PAM: variants seen among roughly 807,000 people sequenced by gnomAD.
PAM encodes peptidyl-glycine alpha-amidating monooxygenase.
PAM carries 72 observed loss-of-function variants against 122.1 expected under a neutral mutation model. That is an observed-to-expected ratio of 0.59 (90% CI 0.49 to 0.72). The LOEUF is 0.72. Among genes scored for constraint, PAM ranks in the 30% least tolerant of loss-of-function variants. PAM has a pLI of 0.00. For synonymous variants in PAM, 389 were observed against 404.4 expected (o/e 0.96, Z 0.46); for missense variants, 1,106 against 1,183.7 (o/e 0.93, Z 0.96).
At chr5:102,953,333 G>T (rs1007148370) in intron 12 of PAM, among the ~76,000 whole-genome samples, 1 of 152,116 alleles carries the variant, frequency 6.6e-6, no homozygotes, top group Non-Finnish European at 1.5e-5. Flanking sequence ...AATGCATAAA[G>T]AAATGTGTTT....
intron 1 of PAM, among the ~76,000 whole-genome samples, chr5:102,785,944 A>C (rs779333684): frequency 6.6e-6 from 1 of 152,202 alleles, no homozygotes; most frequent in Admixed American, 6.5e-5. Context: ...AATTGAGCCA[A>C]AGATGTTGAA....
intron 21 of PAM, among the ~76,000 whole-genome samples, chr5:103,014,768 A>G (rs1224069701): frequency 6.6e-6 from 1 of 152,204 alleles, no homozygotes; most frequent in Non-Finnish European, 1.5e-5. Flanking sequence ...CTTAGACAGT[A>G]GGACAATAAA....
intron 1 of PAM, among the ~76,000 whole-genome samples, chr5:102,829,194 T>C (rs1178049072): frequency 2.0e-5 from 3 of 152,124 alleles, no homozygotes; most frequent in Non-Finnish European, 4.4e-5. Context: ...ACTCTAAATT[T>C]TGACCGAAAG....
chr5:102,891,004 A>G (rs752487379), intron 3 of PAM, among the ~76,000 whole-genome samples: 12 of 151,866 alleles, frequency 7.9e-5, no homozygotes, highest in South Asian at 2.1e-4. Context: ...GGAAGTTGCA[A>G]AATTGCAGTG....
intron 1 of PAM, among the ~76,000 whole-genome samples, chr5:102,771,079 T>C (rs944033947): frequency 6.6e-6 from 1 of 152,106 alleles, no homozygotes; most frequent in South Asian, 2.1e-4. Flanking sequence ...ATTTGAAGAT[T>C]GCGGCTATGT....
At chr5:103,014,323 G>C (rs1384615134) in intron 21 of PAM, among the ~76,000 whole-genome samples, 1 of 152,152 alleles carries the variant, frequency 6.6e-6, no homozygotes, top group Non-Finnish European at 1.5e-5. Flanking sequence ...GCTTTCATCA[G>C]ATGTTAGGCA....
chr5:102,985,484 A>C (rs1340069769), intron 15 of PAM, among the ~76,000 whole-genome samples: 1 of 152,094 alleles, frequency 6.6e-6, no homozygotes, highest in Non-Finnish European at 1.5e-5. Context: ...ATGCTAATAA[A>C]TTAGAAAACC....
At chr5:102,812,498 T>G (rs1338341361) in intron 1 of PAM, among the ~76,000 whole-genome samples, 1 of 152,152 alleles carries the variant, frequency 6.6e-6, no homozygotes, top group Non-Finnish European at 1.5e-5. Context: ...GAAAACCAAC[T>G]GTTTTCCTAC....
intron 7 of PAM, among the ~76,000 whole-genome samples, chr5:102,940,537 T>C (rs908424079): frequency 8.6e-5 from 13 of 150,450 alleles, no homozygotes; most frequent in Admixed American, 8.0e-4. Context: ...GAAAGTGATA[T>C]ATATCAGAGG....
chr5:102,902,699 C>T (rs1413969314), intron 4 of PAM, among the ~76,000 whole-genome samples: 2 of 151,402 alleles, frequency 1.3e-5, no homozygotes, highest in East Asian at 2.0e-4. Flanking sequence ...AATATTTACT[C>T]GCAAAAGGAA....
chr5:102,878,562 A>G (rs938686085), intron 3 of PAM, among the ~76,000 whole-genome samples: 2 of 152,168 alleles, frequency 1.3e-5, no homozygotes, highest in African/African-American at 4.8e-5. Context: ...GTATTTGAGA[A>G]GAAGGCATTG....
At chr5:102,831,661 T>A (rs1775486403) in intron 1 of PAM, among the ~76,000 whole-genome samples, 1 of 152,168 alleles carries the variant, frequency 6.6e-6, no homozygotes, top group Admixed American at 6.5e-5. Context: ...AAAGCCCAGT[T>A]GATGTAGTTT....
chr5:102,884,493 T>A (rs1379077453), intron 3 of PAM, among the ~76,000 whole-genome samples: 1 of 151,934 alleles, frequency 6.6e-6, no homozygotes, highest in Non-Finnish European at 1.5e-5. Context: ...AAGGTCATTC[T>A]TCTATTATAG....
rs1785496424 is a variant in PAM, at chr5:102,866,190, G to C, written c.-6G>C. ...CCTCTCCCGGCGGGGTCGTATCGGCGTGGACATGGCTGGCCGCGTCCCTAG... is the reference window on the plus strand; with the variant it reads ...CCTCTCCCGGCGGGGTCGTATCGGCCTGGACATGGCTGGCCGCGTCCCTAG... On this transcript the variant is annotated 5_prime_UTR_variant, in exon 2 of 26. Coordinates refer to ENST00000438793, the MANE Select transcript of PAM (RefSeq NM_001177306.2). 1 of 1,608,882 alleles carries C rather than the reference G, an allele frequency of 6.2e-7. No individual in the cohort carries two copies. Among genetic ancestry groups the C allele is most frequent in the Non-Finnish European group, 8.5e-7 (1 of 1,176,384 alleles).
At position 102,960,037 on chromosome 5, in the gene PAM, TA is replaced by T; in HGVS notation, c.1069del (p.Met357Ter). ...CAATTCCCGTGAAGTCTGATATGGTTATGATGCATGAACATCATAAAGGTAA... is the reference window on the plus strand; with the variant it reads ...CAATTCCCGTGAAGTCTGATATGGTTTGATGCATGAACATCATAAAGGTAA... ...IPIPVKSDMV[M>X]MHEHHKETEY... On this transcript the variant is annotated frameshift_variant, in exon 13 of 26. Coordinates refer to ENST00000438793, the MANE Select transcript of PAM (RefSeq NM_001177306.2). LOFTEE classifies it high-confidence loss of function. 6.3e-7 allele frequency: 1 copy of T among 1,599,936 alleles called. No individual in the cohort carries two copies. The highest frequency in any genetic ancestry group is 8.6e-7 in the Non-Finnish European group (1 of 1,168,210).
chr5:102,953,028 TAAACC>T (rs1466908624), intron 12 of PAM, among the ~76,000 whole-genome samples: 1 of 152,164 alleles, frequency 6.6e-6, no homozygotes, highest in Non-Finnish European at 1.5e-5. Context: ...CTTCAAGTTT[TAAACC>T]TTTCTGTTCT....
At chr5:102,944,342 A>G (rs1056637350) in intron 7 of PAM, among the ~76,000 whole-genome samples, 6 of 152,282 alleles carry the variant, frequency 3.9e-5, no homozygotes, top group African/African-American at 1.4e-4. Context: ...ACAGGACATT[A>G]GTAGCTAAAG....
At chr5:102,797,597 C>G (rs1763705434) in intron 1 of PAM, among the ~76,000 whole-genome samples, 1 of 152,066 alleles carries the variant, frequency 6.6e-6, no homozygotes, top group African/African-American at 2.4e-5. Context: ...AATAATTTTT[C>G]TGAGAGTGCC....
intron 1 of PAM, among the ~76,000 whole-genome samples, chr5:102,822,899 C>T (rs1213062224): frequency 1.3e-5 from 2 of 152,192 alleles, no homozygotes; most frequent in Non-Finnish European, 2.9e-5. Context: ...CACATGTGCC[C>T]ACCTGGATTC....
Sources: allele counts gnomAD v4.1 joint callset (sites outside exome capture counted in the v4.1 genomes callset), GRCh38; gene constraint gnomAD v4.1.1; transcripts MANE v1.5; gene names NCBI Gene and HGNC (gene_info 2026-07-23, HGNC 2026-07-21).